NOVA1: variants seen among roughly 807,000 people sequenced by gnomAD.
The protein encoded by NOVA1 is NOVA alternative splicing regulator 1, also known as RNA-binding protein Nova-1.
Under a neutral mutation model 38.0 loss-of-function variants are expected in NOVA1, and 7 were observed. The observed-to-expected ratio is 0.18, with a 90% CI of 0.10 to 0.35. The LOEUF (loss-of-function observed/expected upper bound fraction) is 0.35, where lower values mean the gene tolerates loss of function less well. Ranked by LOEUF, NOVA1 falls within the 10% of genes least tolerant of loss-of-function variation. The pLI is 1.00. For synonymous variants in NOVA1, 270 were observed against 232.5 expected (o/e 1.16, Z -1.47); for missense variants, 460 against 616.0 (o/e 0.75, Z 2.68).
At chr14:26,450,054 G>T (rs1401060742) in intron 4 of NOVA1, among the ~76,000 whole-genome samples, 1 of 152,018 alleles carries the variant, frequency 6.6e-6, no homozygotes, top group African/African-American at 2.4e-5. Context: ...GTCTCACTGG[G>T]TAGGTCAAAA....
chr14:26,588,595 A>G (rs1893669621), intron 2 of NOVA1: 1 of 151,528 alleles, frequency 6.6e-6, no homozygotes, highest in Non-Finnish European at 1.5e-5. Context: ...AATATCTCAA[A>G]AAGTTGATCA....
chr14:26,466,299 G>A (rs1013869950), intron 4 of NOVA1, among the ~76,000 whole-genome samples: 3 of 152,180 alleles, frequency 2.0e-5, no homozygotes, highest in South Asian at 2.1e-4. Context: ...TTTACTCAGC[G>A]AAACGGTAAA....
At chr14:26,456,444 G>T (rs182275415) in intron 4 of NOVA1, among the ~76,000 whole-genome samples, 43 of 151,600 alleles carry the variant, frequency 2.8e-4, no homozygotes, top group Admixed American at 2.1e-3. Flanking sequence ...ATTATTTAGG[G>T]GGAAGTAAAA....
chr14:26,583,173 TATC>T (rs1893322102), intron 2 of NOVA1, among the ~76,000 whole-genome samples: 1 of 151,720 alleles, frequency 6.6e-6, no homozygotes, highest in Non-Finnish European at 1.5e-5. Context: ...CAAAATAGAA[TATC>T]ATTTTAAAGG....
chr14:26,507,914 A>C (rs1887764023), intron 2 of NOVA1, among the ~76,000 whole-genome samples: 1 of 152,120 alleles, frequency 6.6e-6, no homozygotes. Flanking sequence ...AAACAAAAAA[A>C]CAGGCTGCTG....
At chr14:26,455,397 C>A (rs1255072887) in intron 4 of NOVA1, among the ~76,000 whole-genome samples, 2 of 152,052 alleles carry the variant, frequency 1.3e-5, no homozygotes, top group Non-Finnish European at 2.9e-5. Flanking sequence ...CTTACCCTGG[C>A]TCTGCTATGT....
chr14:26,564,648 C>G (rs1892026856), intron 2 of NOVA1, among the ~76,000 whole-genome samples: 1 of 152,124 alleles, frequency 6.6e-6, no homozygotes, highest in African/African-American at 2.4e-5. Context: ...AAACAGAGAT[C>G]AAGGAACTTG....
chr14:26,448,293 C>G lies in NOVA1; in HGVS notation c.1190G>C (p.Gly397Ala). 1 of 1,614,146 alleles carries G rather than the reference C, an allele frequency of 6.2e-7. No homozygotes were observed. Among genetic ancestry groups the G allele is most frequent in the Non-Finnish European group, 8.5e-7 (1 of 1,180,020 alleles). Reference protein sequence around the residue: ...SLAAATAATNGYFGAASPLAA... With the variant: ...SLAAATAATNAYFGAASPLAA... Reference sequence around the variant, plus strand: ...TAGGGGAGAAGCAGCTCCAAAATATCCATTGGTTGCAGCAGTAGCAGCAGC... The same window carrying G: ...TAGGGGAGAAGCAGCTCCAAAATATGCATTGGTTGCAGCAGTAGCAGCAGC... The change falls in exon 5 of 5, where the codon GGA becomes GCA. Residue 397 changes from glycine to alanine, a missense_variant. Physicochemically the swap from Gly to Ala is moderately conservative, Grantham distance 60. Coordinates refer to ENST00000539517, the MANE Select transcript of NOVA1 (RefSeq NM_002515.3). This position sits in a 1 kb window ranked among gnomAD's most constrained non-coding sequence, Gnocchi z 5.3.
intron 2 of NOVA1, among the ~76,000 whole-genome samples, chr14:26,498,759 G>C (rs1887022551): frequency 6.6e-6 from 1 of 152,174 alleles, no homozygotes; most frequent in African/African-American, 2.4e-5. Context: ...TGAAGCATTG[G>C]TTCTGAGAAT....
intron 4 of NOVA1, among the ~76,000 whole-genome samples, chr14:26,450,790 A>C (rs1459459204): frequency 1.3e-5 from 2 of 152,170 alleles, no homozygotes; most frequent in Non-Finnish European, 2.9e-5. Context: ...ATACACATGA[A>C]ATACTGAGAA....
chr14:26,485,926 A>G (rs917988700), intron 2 of NOVA1, among the ~76,000 whole-genome samples: 1 of 152,198 alleles, frequency 6.6e-6, no homozygotes, highest in Non-Finnish European at 1.5e-5. Flanking sequence ...ATGACAATCT[A>G]TAGCAATAAT....
At chr14:26,517,076 T>A (rs980187378) in intron 2 of NOVA1, among the ~76,000 whole-genome samples, 1 of 152,084 alleles carries the variant, frequency 6.6e-6, no homozygotes, top group African/African-American at 2.4e-5. Flanking sequence ...CGACTAATTT[T>A]TTGTATTTTT....
At chr14:26,542,476 A>G (rs1393829703) in intron 2 of NOVA1, among the ~76,000 whole-genome samples, 1 of 151,896 alleles carries the variant, frequency 6.6e-6, no homozygotes, top group Non-Finnish European at 1.5e-5. Flanking sequence ...GAGGAATGGC[A>G]GAAATTCGGT....
intron 2 of NOVA1, among the ~76,000 whole-genome samples, chr14:26,543,693 C>A (rs1890612271): frequency 6.6e-6 from 1 of 151,920 alleles, no homozygotes; most frequent in African/African-American, 2.4e-5. Context: ...CATAGAAAAG[C>A]AAGCTTCCCA....
chr14:26,451,213 GT>G (rs1882644113), intron 4 of NOVA1, among the ~76,000 whole-genome samples: 1 of 151,804 alleles, frequency 6.6e-6, no homozygotes, highest in South Asian at 2.1e-4. Flanking sequence ...TTTTTTCACA[GT>G]TTTTTTCTTT....
chr14:26,453,531 C>G (rs947399317), intron 4 of NOVA1, among the ~76,000 whole-genome samples: 1 of 152,068 alleles, frequency 6.6e-6, no homozygotes, highest in African/African-American at 2.4e-5. Flanking sequence ...TTTACAATTT[C>G]TCTATTTGCA....
chr14:26,547,200 T>C (rs1316332293), intron 2 of NOVA1, among the ~76,000 whole-genome samples: 1 of 152,136 alleles, frequency 6.6e-6, no homozygotes, highest in Non-Finnish European at 1.5e-5. Context: ...TGAGTGCTAA[T>C]TAAGTAATAA....
At chr14:26,585,007 G>T (rs1659511137) in intron 2 of NOVA1, among the ~76,000 whole-genome samples, 1 of 151,390 alleles carries the variant, frequency 6.6e-6, no homozygotes, top group East Asian at 1.9e-4. Flanking sequence ...CTATGATATG[G>T]TTATTTTAAC....
chr14:26,561,076 C>A (rs1016308425), intron 2 of NOVA1, among the ~76,000 whole-genome samples: 1 of 152,102 alleles, frequency 6.6e-6, no homozygotes, highest in African/African-American at 2.4e-5. Context: ...CTAGATCCTT[C>A]GCGTGCTCAG....
Sources: gnomAD v4.1 joint callset for allele counts (sites outside exome capture counted in the v4.1 genomes callset) on GRCh38, gnomAD v4.1.1 for gene constraint, Gnocchi (gnomAD v3.1) non-coding constraint, MANE v1.5 for transcripts, NCBI Gene and HGNC (gene_info 2026-07-23, HGNC 2026-07-21) for gene names.